The following SPECC1 variants were observed in gnomAD, a reference collection of about 807,000 sequenced individuals.
SPECC1 encodes sperm antigen with calponin homology and coiled-coil domains 1, also known as cytospin-B.
SPECC1 carries 62 observed loss-of-function variants against 104.1 expected under a neutral mutation model. The ratio of observed to expected loss-of-function variants is 0.60; its 90% CI spans 0.49 to 0.74. SPECC1 has a LOEUF of 0.74. Ranked by LOEUF, SPECC1 falls within the 30% of genes least tolerant of loss-of-function variation. SPECC1 has a pLI of 0.00. For synonymous variants in SPECC1, 513 were observed against 501.6 expected (o/e 1.02, Z -0.30); for missense variants, 1,306 against 1,310.5 (o/e 1.00, Z 0.05).
At chr17:20,112,318 T>A in intron 3 of SPECC1, 1 of 758,000 alleles carries the variant, frequency 1.3e-6, no homozygotes. Flanking sequence ...ATTAATTTAT[T>A]GGATATGTTA....
chr17:20,246,962 T>G (rs541182965), intron 8 of SPECC1, among the ~76,000 whole-genome samples: 1 of 152,354 alleles, frequency 6.6e-6, no homozygotes, highest in South Asian at 2.1e-4. Context: ...CTTCCTTCTC[T>G]AGGCATCTCA....
At chr17:20,231,569 G>A (rs1405808006) in intron 5 of SPECC1, among the ~76,000 whole-genome samples, 189 bp from the exon 6 acceptor site, 1 of 152,186 alleles carries the variant, frequency 6.6e-6, no homozygotes, top group Non-Finnish European at 1.5e-5. Context: ...TATCTCAGAG[G>A]AGGCTCTTGT....
At chr17:20,046,872 G>A (rs1023088363) in intron 1 of SPECC1, among the ~76,000 whole-genome samples, 17 of 138,220 alleles carry the variant, frequency 1.2e-4, no homozygotes, top group African/African-American at 4.5e-4. Context: ...CACGTGGGGT[G>A]GGGGGTGGGA....
At chr17:20,111,689 C>T (rs1410061907) in intron 3 of SPECC1, 6 of 594,584 alleles carry the variant, frequency 1.0e-5, no homozygotes, top group African/African-American at 1.9e-5. Context: ...GGTGTGTCCC[C>T]AAAAGCAGGA....
intron 1 of SPECC1, among the ~76,000 whole-genome samples, chr17:20,069,366 C>A (rs2046467491): frequency 6.6e-6 from 1 of 152,040 alleles, no homozygotes; most frequent in Non-Finnish European, 1.5e-5. Flanking sequence ...TTTATGAAGT[C>A]CACTTTATCT....
chr17:20,029,309 G>T (rs1002695749), intron 1 of SPECC1, among the ~76,000 whole-genome samples: 2 of 151,884 alleles, frequency 1.3e-5, no homozygotes, highest in African/African-American at 2.4e-5. Context: ...TCTCATTTTT[G>T]GGTTGTTCAC....
chr17:20,203,970 G>A (rs956285154), intron 3 of SPECC1, among the ~76,000 whole-genome samples: 1 of 152,208 alleles, frequency 6.6e-6, no homozygotes, highest in African/African-American at 2.4e-5. Context: ...GTGGTTGCCA[G>A]CCATTCCCAC....
chr17:20,124,539 G>T (rs554510767), intron 3 of SPECC1, among the ~76,000 whole-genome samples: 1 of 152,230 alleles, frequency 6.6e-6, no homozygotes, highest in South Asian at 2.1e-4. Context: ...GAATGAGTTT[G>T]TTCTTGTTTT....
At chr17:20,034,965 A>T (rs9896387) in intron 1 of SPECC1, among the ~76,000 whole-genome samples, 2 of 152,036 alleles carry the variant, frequency 1.3e-5, no homozygotes, top group African/African-American at 4.8e-5. Context: ...TTTTGAGTTA[A>T]TTTTTCTGTA....
At chr17:20,187,920 C>T (rs150867380) in intron 3 of SPECC1, among the ~76,000 whole-genome samples, 4 of 152,284 alleles carry the variant, frequency 2.6e-5, no homozygotes, top group South Asian at 4.1e-4. Flanking sequence ...TCAGATGTCA[C>T]GTGGAAGAGG....
rs1484755617 is a variant in SPECC1 at position 20,115,262 on chromosome 17, C to A, written c.283+4700C>A. ...GGCCAAGGTGGGTGGATCATGAGGT[C>A]AGGAGATCAAGACTAGCCTGGCCAA... On this transcript the variant is annotated intron_variant, in intron 3 of 14. Transcript: ENST00000395527. Among the ~76,000 whole-genome samples the A allele has an allele frequency of 3.3e-5, 5 of 152,132 alleles. 1 individual carries two copies. The highest frequency in any genetic ancestry group is 7.3e-5 in the Non-Finnish European group (5 of 68,028).
intron 4 of SPECC1, among the ~76,000 whole-genome samples, chr17:20,208,505 A>G (rs1012537846): frequency 6.6e-6 from 1 of 152,228 alleles, no homozygotes; most frequent in Non-Finnish European, 1.5e-5. Context: ...TTAAATGATA[A>G]TACTTAAGAG....
At chr17:20,111,960 A>C in intron 3 of SPECC1, 1 of 791,816 alleles carries the variant, frequency 1.3e-6, no homozygotes, top group South Asian at 1.3e-5. Context: ...TATAATGGCA[A>C]AGGTGGACTG....
intron 12 of SPECC1, among the ~76,000 whole-genome samples, chr17:20,269,101 A>C (rs566172950): frequency 6.6e-6 from 1 of 152,202 alleles, no homozygotes; most frequent in Non-Finnish European, 1.5e-5. Context: ...TAAAACTGAG[A>C]AAGATTACTC....
chr17:20,305,657 A>G (rs2041738440), intron 13 of SPECC1: 2 of 191,128 alleles, frequency 1.0e-5, no homozygotes, highest in South Asian at 1.1e-4. Context: ...CAATCTATAT[A>G]TACTATAATA....
chr17:20,210,910 C>T (rs1383495199), intron 4 of SPECC1, among the ~76,000 whole-genome samples: 3 of 152,184 alleles, frequency 2.0e-5, no homozygotes, highest in Non-Finnish European at 1.5e-5. Flanking sequence ...GGGGTTTTCT[C>T]GGCCTGAAGA....
intron 1 of SPECC1, among the ~76,000 whole-genome samples, chr17:20,045,333 C>T (rs1353074526): frequency 1.3e-5 from 2 of 150,960 alleles, no homozygotes; most frequent in African/African-American, 2.5e-5. Context: ...CCTATTGAGA[C>T]ATATGGATTA....
At chr17:20,104,036 CTA>C (rs1467560007) in intron 2 of SPECC1, among the ~76,000 whole-genome samples, 1 of 152,124 alleles carries the variant, frequency 6.6e-6, no homozygotes, top group African/African-American at 2.4e-5. Context: ...GGTGGCATTT[CTA>C]TGTTTGTGGA....
intron 3 of SPECC1, among the ~76,000 whole-genome samples, chr17:20,139,426 C>T (rs2030469534): frequency 1.3e-5 from 2 of 152,172 alleles, no homozygotes; most frequent in African/African-American, 4.8e-5. Context: ...AGGGATGCAG[C>T]AGTTAACGAC....
Sources: gnomAD v4.1 joint callset for allele counts (sites outside exome capture counted in the v4.1 genomes callset) on GRCh38, gnomAD v4.1.1 for gene constraint, MANE v1.5 for transcripts, NCBI Gene and HGNC (gene_info 2026-07-23, HGNC 2026-07-21) for gene names.